SEMA3D: variants seen among roughly 807,000 people sequenced by gnomAD.
The protein encoded by SEMA3D is semaphorin-3D.
A neutral mutation model predicts 100.1 loss-of-function variants in SEMA3D; 84 were observed. The ratio of observed to expected loss-of-function variants is 0.84; its 90% CI spans 0.70 to 1.01. SEMA3D has a LOEUF of 1.01. Among genes scored for constraint, SEMA3D ranks in the 50% least tolerant of loss-of-function variants. The pLI is 0.00. For synonymous variants in SEMA3D, 312 were observed against 320.7 expected (o/e 0.97, Z 0.29); for missense variants, 875 against 934.1 (o/e 0.94, Z 0.82).
intron 13 of SEMA3D, among the ~76,000 whole-genome samples, chr7:85,020,880 A>T (rs1193444639): frequency 6.6e-6 from 1 of 151,654 alleles, no homozygotes; most frequent in African/African-American, 2.4e-5. Context: ...GAGAAATGGA[A>T]GGTTTGTTTA....
At chr7:85,039,666 T>C (rs1790799913) in intron 11 of SEMA3D, among the ~76,000 whole-genome samples, 1 of 152,178 alleles carries the variant, frequency 6.6e-6, no homozygotes, top group Non-Finnish European at 1.5e-5. Context: ...TGAAATTGTC[T>C]TCACTTTCAG....
At position 84,999,535 on chromosome 7, in the gene SEMA3D, C is replaced by T. The variant is rs758066024; in HGVS notation, c.2239G>A (p.Gly747Ser). 2 of 1,614,012 alleles carry T rather than the reference C, an allele frequency of 1.2e-6. No homozygotes were observed. The highest frequency in any genetic ancestry group is 1.3e-5 in the African/African-American group (1 of 74,996). ...REKRRQRNKG[G>S]PKWKHMQEMK... Reference sequence around the variant, plus strand: ...TCCTGCATGTGCTTCCACTTTGGGCCCCCCTTGTTTCTCTGTCTCCGCTTC... The same window carrying T: ...TCCTGCATGTGCTTCCACTTTGGGCTCCCCTTGTTTCTCTGTCTCCGCTTC... The change falls in exon 19 of 19, where the codon GGC becomes AGC. Residue 747 changes from glycine to serine, a missense_variant. Gly to Ser is a moderately conservative substitution (Grantham distance 56, BLOSUM62 0). Transcript: ENST00000284136.
chr7:85,199,782 C>A, the SEMA3D span, among the ~76,000 whole-genome samples: 1 of 152,148 alleles, frequency 6.6e-6, no homozygotes, highest in African/African-American at 2.4e-5. Context: ...TGTTCATTCT[C>A]ATTTTCTGCT....
chr7:85,200,510 A>C, the SEMA3D span, among the ~76,000 whole-genome samples: 3 of 152,170 alleles, frequency 2.0e-5, no homozygotes, highest in Non-Finnish European at 4.4e-5. Flanking sequence ...TGGCAGAAGA[A>C]ATTTTCTGCA....
At chr7:85,089,100 C>T (rs554627327) in intron 4 of SEMA3D, among the ~76,000 whole-genome samples, 7 of 152,202 alleles carry the variant, frequency 4.6e-5, no homozygotes, top group East Asian at 3.9e-4. Context: ...ACTGCATCGC[C>T]GCTTGGTTTG....
chr7:85,046,022 T>A (rs967606063), intron 9 of SEMA3D, among the ~76,000 whole-genome samples: 4 of 151,934 alleles, frequency 2.6e-5, no homozygotes, highest in Non-Finnish European at 5.9e-5. Flanking sequence ...ATAATGTTGA[T>A]TCAATAAATA....
chr7:85,180,579 T>G (rs1161420991), intron 1 of SEMA3D, among the ~76,000 whole-genome samples: 1 of 152,222 alleles, frequency 6.6e-6, no homozygotes, highest in Admixed American at 6.5e-5. Context: ...ACAGAAACAT[T>G]GAGCAAATAG....
chr7:85,093,803 C>T (rs948522684), intron 4 of SEMA3D, among the ~76,000 whole-genome samples: 2 of 151,810 alleles, frequency 1.3e-5, no homozygotes, highest in African/African-American at 4.8e-5. Context: ...AAAAATCATC[C>T]CCTTATTCAA....
At chr7:85,024,826 A>G (rs1229513123) in intron 12 of SEMA3D, among the ~76,000 whole-genome samples, 1 of 152,010 alleles carries the variant, frequency 6.6e-6, no homozygotes, top group Non-Finnish European at 1.5e-5. Flanking sequence ...TTATTTCAGT[A>G]CATTCAAACC....
chr7:85,002,723 G>A (rs1355264410), intron 18 of SEMA3D, among the ~76,000 whole-genome samples: 1 of 152,112 alleles, frequency 6.6e-6, no homozygotes, highest in Non-Finnish European at 1.5e-5. Context: ...CGTTTGAGCT[G>A]GGGTCAACTA....
At chr7:85,033,279 A>T (rs1418538300) in intron 12 of SEMA3D, among the ~76,000 whole-genome samples, 2 of 152,118 alleles carry the variant, frequency 1.3e-5, no homozygotes, top group East Asian at 3.9e-4. Flanking sequence ...TTTCTCATTG[A>T]TGAAAAACAC....
At chr7:85,110,843 A>ATTATCTATAGTCAAT (rs1562822187) in intron 3 of SEMA3D, among the ~76,000 whole-genome samples, 1 of 152,024 alleles carries the variant, frequency 6.6e-6, no homozygotes, top group East Asian at 1.9e-4. Context: ...CCTTAAGAGA[A>ATTATCTATAGTCAAT]TTATCTATAG....
At chr7:85,092,061 G>A (rs954961267) in intron 4 of SEMA3D, among the ~76,000 whole-genome samples, 11 of 151,814 alleles carry the variant, frequency 7.2e-5, no homozygotes, top group South Asian at 2.1e-4. Context: ...TTCCCCATTC[G>A]AACTGAACAA....
At chr7:85,123,812 T>C (rs1789495137) in intron 2 of SEMA3D, among the ~76,000 whole-genome samples, 2 of 152,090 alleles carry the variant, frequency 1.3e-5, no homozygotes, top group African/African-American at 2.4e-5. Context: ...CATATGCATA[T>C]AAGTTGGTTT....
At chr7:85,021,349 C>G (rs1584529344) in intron 13 of SEMA3D, among the ~76,000 whole-genome samples, 1 of 151,718 alleles carries the variant, frequency 6.6e-6, no homozygotes, top group Non-Finnish European at 1.5e-5. Flanking sequence ...GTGGACAGTA[C>G]AAATTAAGCG....
chr7:85,167,192 T>C lies in SEMA3D; in HGVS notation c.-172-13453A>G, dbSNP rs1256671147. Reference sequence around the variant, plus strand: ...ATGCAGGGAGCTATATCAACTACATTGAAATGTCAAGAGTTGAAATGTTAT... The same window carrying C: ...ATGCAGGGAGCTATATCAACTACATCGAAATGTCAAGAGTTGAAATGTTAT... On this transcript the variant is annotated intron_variant, in intron 1 of 18. Transcript: ENST00000284136. The C allele has an allele frequency of 3.8e-6, 3 of 787,326 alleles. No individual in the cohort carries two copies. In the African/African-American group the frequency reaches 5.7e-5, roughly 15 times the overall value. The allele number at this position is 787,326 out of a possible 1,614,324, so 48.8% of individuals were successfully genotyped here.
the SEMA3D span, among the ~76,000 whole-genome samples, chr7:85,241,651 G>T: frequency 6.6e-6 from 1 of 150,798 alleles, no homozygotes; most frequent in Non-Finnish European, 1.5e-5. Flanking sequence ...ATGATACGAT[G>T]GACTTTGGGG....
chr7:85,020,373 G>T (rs1251467189), intron 13 of SEMA3D, 52 bp from the exon 14 acceptor site: 2 of 1,310,456 alleles, frequency 1.5e-6, no homozygotes, highest in South Asian at 1.2e-5. Context: ...AAAAATTAGT[G>T]GTAAGCATAT....
At position 84,999,719 on chromosome 7, in the gene SEMA3D, C is replaced by T; in HGVS notation, c.2055G>A (p.Glu685=). Residue 685 remains glutamate, a synonymous_variant, in exon 19 of 19, where the codon GAG becomes GAA. Transcript: ENST00000284136. ...TCTGGGTATTTTCCATCTGTTCATT[C>T]TCAATGACATTCAAAGTCAGCTTCA... ...TIVKLTLNVI[E]NEQMENTQRA... is the part of the protein sequence containing the mutation. The T allele has an allele frequency of 6.2e-7, 1 of 1,614,042 alleles. No individual in the cohort carries two copies. Among genetic ancestry groups the T allele is most frequent in the Non-Finnish European group, 8.5e-7 (1 of 1,180,002 alleles).
Sources: allele counts gnomAD v4.1 joint callset (sites outside exome capture counted in the v4.1 genomes callset), GRCh38; gene constraint gnomAD v4.1.1; transcripts MANE v1.5; gene names NCBI Gene and HGNC (gene_info 2026-07-23, HGNC 2026-07-21).